ART3: variants seen among roughly 807,000 people sequenced by gnomAD.
ART3 encodes ecto-ADP-ribosyltransferase 3.
ART3 carries 49 observed loss-of-function variants against 48.5 expected under a neutral mutation model. The observed-to-expected ratio is 1.01, with a 90% confidence interval of 0.80 to 1.28. ART3 has a LOEUF of 1.28. Among genes scored for constraint, ART3 ranks in the 50% most tolerant of loss-of-function variants. The pLI, the probability that ART3 is intolerant of heterozygous loss-of-function variation, is 0.00. For missense variants in ART3, 438 were observed against 454.3 expected (o/e 0.96, Z 0.33); for synonymous variants, 145 against 157.2 (o/e 0.92, Z 0.58).
chr4:76,026,659 A>T (rs771387479), intron 1 of ART3, among the ~76,000 whole-genome samples: 12 of 151,612 alleles, frequency 7.9e-5, no homozygotes, highest in Non-Finnish European at 1.5e-4. Flanking sequence ...TCTGGTAAAT[A>T]TAGAGTGGTA....
intron 1 of ART3, among the ~76,000 whole-genome samples, chr4:76,028,276 ACT>A (rs1390635064): frequency 6.6e-6 from 1 of 152,154 alleles, no homozygotes; most frequent in Non-Finnish European, 1.5e-5. Flanking sequence ...CTAAATGATA[ACT>A]CTTTTTATAT....
At chr4:76,096,773 G>A (rs141242330) in intron 3 of ART3, among the ~76,000 whole-genome samples, 37 of 152,310 alleles carry the variant, frequency 2.4e-4, no homozygotes, top group African/African-American at 8.4e-4. Context: ...CAGATGCCAC[G>A]TTCTGTTCTC....
At position 76,082,522 on chromosome 4, in the gene ART3, T is replaced by G; in HGVS notation, c.768T>G (p.Cys256Trp). Residue 256 changes from cysteine to tryptophan, a missense_variant, in exon 3 of 12, where the codon TGT (cysteine) becomes TGG (tryptophan). Around this residue, in one of 3 missense-constraint regions of ART3, gnomAD observed 227 missense variants for 229.6 expected, o/e 0.99. Transcript: ENST00000355810. ...SINKTCSHYE[C>W]AFLGGLKTEN... ...ACAAGACCTGCAGCCATTATGAGTG[T>G]GCATTTCTAGGTGGTAAGTGTCTGC... The G allele has an allele frequency of 1.9e-6, 3 of 1,582,176 alleles. No homozygotes were observed. In the South Asian group the frequency reaches 3.5e-5, roughly 18 times the overall value.
chr4:76,089,883 C>G (rs1198970804), intron 3 of ART3, among the ~76,000 whole-genome samples: 1 of 152,104 alleles, frequency 6.6e-6, no homozygotes, highest in Non-Finnish European at 1.5e-5. Context: ...TGTTCGAGAC[C>G]AGCCTGGCCA....
intron 10 of ART3, chr4:76,105,709 G>C: frequency 1.4e-5 from 14 of 985,422 alleles, no homozygotes; most frequent in Non-Finnish European, 1.6e-5. Flanking sequence ...AAAGTGTTGA[G>C]AATTTCTTTC....
At chr4:76,086,430 C>T (rs961257113) in intron 3 of ART3, among the ~76,000 whole-genome samples, 11 of 151,862 alleles carry the variant, frequency 7.2e-5, no homozygotes, top group South Asian at 2.1e-4. Context: ...AGATCAAAAA[C>T]GAGAGAATGA....
intron 1 of ART3, among the ~76,000 whole-genome samples, chr4:76,050,564 C>T (rs558197447): frequency 6.6e-6 from 1 of 152,252 alleles, no homozygotes; most frequent in South Asian, 2.1e-4. Flanking sequence ...TCCATGTTCC[C>T]ACCAGACTCA....
At chr4:76,078,807 A>G (rs185610422) in intron 2 of ART3, among the ~76,000 whole-genome samples, 45 of 152,234 alleles carry the variant, frequency 3.0e-4, no homozygotes, top group Admixed American at 1.5e-3. Context: ...ACGGCCGGGC[A>G]CGGTGGCTCA....
intron 2 of ART3, among the ~76,000 whole-genome samples, chr4:76,079,181 A>AAC (rs1348287079): frequency 6.6e-6 from 1 of 151,434 alleles, no homozygotes; most frequent in Non-Finnish European, 1.5e-5. Context: ...TTTGTTAAAA[A>AAC]AAAAAAAAAA....
At chr4:76,055,800 T>A (rs1416317328) in intron 1 of ART3, among the ~76,000 whole-genome samples, 2 of 152,194 alleles carry the variant, frequency 1.3e-5, no homozygotes, top group African/African-American at 4.8e-5. Context: ...AAAACTTGCA[T>A]TTTGTTGGTA....
In ART3 at chr4:76,112,663, A is replaced by G. The variant is rs977194178; in HGVS notation, c.*144A>G. The G allele has an allele frequency of 1.0e-6, 1 of 990,838 alleles. No homozygotes were observed. The highest frequency in any genetic ancestry group is 1.7e-5 in the African/African-American group (1 of 59,574). 61.4% of individuals were successfully genotyped at this position (990,838 alleles called of 1,614,324 possible). A position where few individuals can be genotyped will look rare whatever the true frequency, so the allele number is the denominator to read the frequency against. ...ATTGTATATTTGTTATTCATTTTGC[A>G]AATTCAGAAAGTTGGTCCAGATATA... On this transcript the variant is annotated 3_prime_UTR_variant, in exon 12 of 12. Coordinates refer to ENST00000355810, the MANE Select transcript of ART3 (RefSeq NM_001130016.3).
At chr4:76,072,517 C>G (rs1280190083), upstream of ART3, among the ~76,000 whole-genome samples, 3 of 152,016 alleles carry the variant, frequency 2.0e-5, no homozygotes, top group Admixed American at 6.6e-5. Flanking sequence ...CTTCCTGATT[C>G]AAGCCACCAT....
intron 1 of ART3, among the ~76,000 whole-genome samples, chr4:76,038,125 C>G (rs901264221): frequency 2.0e-5 from 3 of 152,256 alleles, no homozygotes; most frequent in African/African-American, 7.2e-5. Context: ...TCATCTTGCT[C>G]CATCACTTCA....
intron 1 of ART3, among the ~76,000 whole-genome samples, chr4:76,064,866 C>G (rs5005115): frequency 6.6e-6 from 1 of 150,542 alleles, no homozygotes; most frequent in African/African-American, 2.4e-5. Context: ...GGGTCTCACT[C>G]TGTCACCCAG....
At chr4:76,060,425 T>A (rs1347553004) in intron 1 of ART3, among the ~76,000 whole-genome samples, 1 of 152,198 alleles carries the variant, frequency 6.6e-6, no homozygotes. Context: ...CTCAATCTCC[T>A]TCTTGAAATC....
rs765882949 is a variant in ART3, at chr4:76,101,016, C to A, written c.934C>A (p.His312Asn). 14 of 1,613,440 alleles carry A rather than the reference C, an allele frequency of 8.7e-6. No homozygotes were observed. Among genetic ancestry groups the A allele is most frequent in the African/African-American group, 5.3e-5 (4 of 74,840 alleles). Residue 312 changes from histidine to asparagine, a missense_variant, in exon 8 of 12, where the codon CAT (histidine) becomes AAT (asparagine). By Grantham distance (68) the His-to-Asn change is moderately conservative. This residue lies in a region of ART3 where 227 missense variants were observed against 229.6 expected (regional missense o/e 0.99). Transcript: ENST00000355810. ...TGAGAAAAACCAGAAGCTTGAAGAC[C>A]ATGGTAAGACATTTATGTAAATTCT... ...HGEKNQKLED[H>N]GVKILEPTQI... is the part of the protein sequence containing the mutation.
At chr4:76,073,323 G>A (rs1044140232), upstream of ART3, among the ~76,000 whole-genome samples, 1 of 152,146 alleles carries the variant, frequency 6.6e-6, no homozygotes, top group African/African-American at 2.4e-5. Context: ...TTAAAAGCAG[G>A]TTGTTGTGAG....
intron 1 of ART3, among the ~76,000 whole-genome samples, chr4:76,055,464 C>T (rs1186116171): frequency 6.6e-6 from 1 of 152,180 alleles, no homozygotes; most frequent in Non-Finnish European, 1.5e-5. Context: ...GTTTATATAA[C>T]TCCCCCAAAT....
intron 6 of ART3, 81 bp from the exon 7 acceptor site, chr4:76,100,714 A>C: frequency 6.7e-7 from 1 of 1,485,028 alleles, no homozygotes. Context: ...TATTTCTTGC[A>C]AATAATTTTG....
Sources: allele counts gnomAD v4.1 joint callset (sites outside exome capture counted in the v4.1 genomes callset), GRCh38; gene constraint gnomAD v4.1.1; regional missense constraint gnomAD v4.1.1; transcripts MANE v1.5; gene names NCBI Gene and HGNC (gene_info 2026-07-23, HGNC 2026-07-21).